Variants in KIF1A observed in about 807,000 individuals in gnomAD.
KIF1A encodes the protein kinesin-like protein KIF1A.
A neutral mutation model predicts 227.3 loss-of-function variants in KIF1A; 46 were observed. The observed-to-expected ratio is 0.20, with a 90% CI of 0.16 to 0.26. The LOEUF is 0.26. Ranked by LOEUF, KIF1A falls within the 10% of genes least tolerant of loss-of-function variation. The probability of loss-of-function intolerance (pLI) is 1.00; values close to 1 mark genes in which losing one functional copy is unlikely to be tolerated. For missense variants in KIF1A, 1,683 were observed against 2,485.9 expected (o/e 0.68, Z 6.87); for synonymous variants, 1,022 against 1,012.8 (o/e 1.01, Z -0.17).
At position 240,766,672 on chromosome 2, in the gene KIF1A, A is replaced by G. The variant is rs1053790902; in HGVS notation, c.1684+243T>C. Among the ~76,000 whole-genome samples the G allele has an allele frequency of 6.6e-6, 1 of 150,554 alleles. No homozygotes were observed. Among genetic ancestry groups the G allele is most frequent in the Admixed American group, 6.6e-5 (1 of 15,074 alleles). ...CAGGCATTTTCCCAAGCACCAACCT[A>G]ATGGAAGTTGTTTTTAAGGCTGGCC... On this transcript the variant is annotated intron_variant, in intron 19 of 48. Coordinates refer to ENST00000498729, the MANE Select transcript of KIF1A (RefSeq NM_001244008.2). The surrounding 1 kb of genome is among the most constrained non-coding windows in gnomAD (Gnocchi z 5.0).
intron 33 of KIF1A, among the ~76,000 whole-genome samples, 184 bp downstream of exon 33, chr2:240,743,758 A>G (rs1418586919): frequency 6.6e-6 from 1 of 152,220 alleles, no homozygotes; most frequent in Non-Finnish European, 1.5e-5. Flanking sequence ...AGCTGCAGGC[A>G]GGCCCAGAGC....
intron 27 of KIF1A, among the ~76,000 whole-genome samples, chr2:240,754,995 C>G (rs1293022203): frequency 6.6e-6 from 1 of 152,196 alleles, no homozygotes; most frequent in Non-Finnish European, 1.5e-5. Context: ...GGACCCTTAT[C>G]CCAGGCAGTC....
At position 240,741,279 on chromosome 2, in the gene KIF1A, C is replaced by T; in HGVS notation, c.3739G>A (p.Ala1247Thr). ...AGCACCAGCACTCACTCGCCGTTGG[C>T]CTCCAGCTCACAGATCTCGAAGTAG... is the stretch of plus-strand genomic sequence containing the variant. Reference protein sequence around the residue: ...LVYFEICELEANGDYIPAVVD... With the variant: ...LVYFEICELETNGDYIPAVVD... Residue 1247 changes from alanine (A) to threonine (T), a missense_variant, in exon 35 of 49, where the codon GCC (alanine) becomes ACC (threonine). By Grantham distance (58) the Ala-to-Thr change is moderately conservative. Coordinates refer to ENST00000498729, the MANE Select transcript of KIF1A (RefSeq NM_001244008.2). The T allele has an allele frequency of 6.3e-7, 1 of 1,593,134 alleles. No homozygotes were observed. The highest frequency in any genetic ancestry group is 8.5e-7 in the Non-Finnish European group (1 of 1,172,642).
intron 28 of KIF1A, among the ~76,000 whole-genome samples, chr2:240,749,777 G>A (rs891897836): frequency 3.3e-5 from 5 of 152,336 alleles, no homozygotes; most frequent in Middle Eastern, 3.4e-3. Context: ...CTGGCCATCC[G>A]GAGCAGGCTG....
chr2:240,721,112 G>A (rs1288938867), intron 44 of KIF1A, 74 bp from the exon 45 acceptor site: 3 of 1,568,552 alleles, frequency 1.9e-6, no homozygotes, highest in African/African-American at 1.3e-5. Context: ...TGCTCCCTGT[G>A]CCTGCGCTTA....
intron 38 of KIF1A, among the ~76,000 whole-genome samples, chr2:240,731,327 G>A (rs930693016): frequency 1.3e-5 from 2 of 152,204 alleles, no homozygotes; most frequent in Non-Finnish European, 2.9e-5. Flanking sequence ...GGCGCAGCTG[G>A]AGACAGCTGC....
At chr2:240,780,800 A>ACACACACACACACACACACACACAGCTC (rs2053602890) in intron 10 of KIF1A, among the ~76,000 whole-genome samples, 2 of 26,130 alleles carry the variant, frequency 7.7e-5, no homozygotes, top group Admixed American at 3.2e-4. Context: ...ACACAGCTCC[A>ACACACACACACACACACACACACAGCTC]CACACACACA....
chr2:240,758,629 TC>T lies in KIF1A; in HGVS notation c.2445-133del. 1 of 921,744 alleles carries T rather than the reference TC, an allele frequency of 1.1e-6. No homozygotes were observed. Among genetic ancestry groups the T allele is most frequent in the Non-Finnish European group, 1.5e-6 (1 of 666,546 alleles). 57.1% of individuals were successfully genotyped at this position (921,744 alleles called of 1,614,324 possible). A position where few individuals can be genotyped will look rare whatever the true frequency, so the allele number is the denominator to read the frequency against. ...CACATCCAGCTCAGGGTCATCAAGG[TC>T]CAGGGGGCTTGCTAGACAGACCCCC... On this transcript the variant is annotated intron_variant, in intron 25 of 48. Coordinates refer to ENST00000498729, the MANE Select transcript of KIF1A (RefSeq NM_001244008.2). This position sits in a 1 kb window ranked among gnomAD's most constrained non-coding sequence, Gnocchi z 5.2.
At chr2:240,721,769 C>T (rs1316768992) in intron 44 of KIF1A, 38 bp downstream of exon 44, 1 of 1,553,154 alleles carries the variant, frequency 6.4e-7, no homozygotes, top group South Asian at 1.1e-5. Context: ...GGAGCCCGAG[C>T]CCTGCGGGGC....
intron 34 of KIF1A, among the ~76,000 whole-genome samples, chr2:240,742,469 T>C (rs1390620327): frequency 6.6e-6 from 1 of 152,200 alleles, no homozygotes; most frequent in African/African-American, 2.4e-5. Context: ...TCTCAAGTGC[T>C]ATTCCATGAC....
At position 240,726,368 on chromosome 2, in the gene KIF1A, T is replaced by G. The variant is rs1443924318; in HGVS notation, c.4122+458A>C. Among the ~76,000 whole-genome samples the G allele has an allele frequency of 6.6e-6, 1 of 152,172 alleles. No homozygotes were observed. Among genetic ancestry groups the G allele is most frequent in the East Asian group, 1.9e-4 (1 of 5,190 alleles). ...GCTCACACCTGTAATCCCAGCACTT[T>G]GGGAGGCTGAGGTGGGTGGATCACC... On this transcript the variant is annotated intron_variant, in intron 39 of 48. Coordinates refer to ENST00000498729, the MANE Select transcript of KIF1A (RefSeq NM_001244008.2). This position sits in a 1 kb window ranked among gnomAD's most constrained non-coding sequence, Gnocchi z 5.2.
rs1317473677 is a variant in KIF1A at position 240,715,193 on chromosome 2, C to T, written c.*2171G>A. On this transcript the variant is annotated 3_prime_UTR_variant, in exon 49 of 49. Transcript: ENST00000498729. ...GCAGCGCTGGATGCCGGAGCAGGTGCTTCTGCAAGAAGCTGTTCTGCATCC... is the reference window on the plus strand; with the variant it reads ...GCAGCGCTGGATGCCGGAGCAGGTGTTTCTGCAAGAAGCTGTTCTGCATCC... The T allele has an allele frequency of 6.6e-6, 1 of 152,540 alleles. No homozygotes were observed. The highest frequency in any genetic ancestry group is 1.5e-5 in the Non-Finnish European group (1 of 68,150). The allele number at this position is 152,540 out of a possible 1,614,324, so 9.4% of individuals were successfully genotyped here.
At position 240,760,791 on chromosome 2, in the gene KIF1A, G is replaced by T; in HGVS notation, c.2318C>A (p.Pro773His). Residue 773 changes from proline to histidine, a missense_variant, in exon 25 of 49, where the codon CCC becomes CAC. By Grantham distance (77) the Pro-to-His change is moderately conservative. This residue lies in a region of KIF1A where 759 missense variants were observed against 1,020.2 expected (regional missense o/e 0.74). Transcript: ENST00000498729. Reference sequence around the variant, plus strand: ...GGCGGCCTCTGGGGGCAGCAGGTCGGGTGGCAGAGGGGAGTAGAGTGTGTC... The same window carrying T: ...GGCGGCCTCTGGGGGCAGCAGGTCGTGTGGCAGAGGGGAGTAGAGTGTGTC... ...LTDTLYSPLP[P>H]DLLPPEAAKD... 1 of 1,605,286 alleles carries T rather than the reference G, an allele frequency of 6.2e-7. No individual in the cohort carries two copies. The highest frequency in any genetic ancestry group is 8.5e-7 in the Non-Finnish European group (1 of 1,176,632).
intron 25 of KIF1A, 22 bp downstream of exon 25, chr2:240,760,643 C>A: frequency 6.9e-7 from 1 of 1,443,898 alleles, no homozygotes; most frequent in Non-Finnish European, 9.1e-7. Flanking sequence ...CCACCATCCA[C>A]CCAGCGGCCC....
At chr2:240,782,664 T>TG in intron 9 of KIF1A, 57 bp from the exon 10 acceptor site, 1 of 1,541,578 alleles carries the variant, frequency 6.5e-7, no homozygotes, top group Non-Finnish European at 8.8e-7. Context: ...GCGCGGGCTG[T>TG]GGGGGCGGAA....
At chr2:240,760,021 G>GA (rs397967291) in intron 25 of KIF1A, among the ~76,000 whole-genome samples, 8,060 of 135,178 alleles carry the variant, frequency 0.06, 221 homozygotes, top group African/African-American at 0.072. Context: ...GTCTCTTAAA[G>GA]AAAAAAAAAA....
At chr2:240,800,893 G>A (rs972988153) in intron 1 of KIF1A, among the ~76,000 whole-genome samples, 7 of 152,222 alleles carry the variant, frequency 4.6e-5, no homozygotes, top group South Asian at 2.1e-4. Flanking sequence ...GCCATAGCTC[G>A]GACGAACCTT....
rs1355199061 is a variant in KIF1A, at chr2:240,719,264, C to T, written c.5022-66G>A. The T allele has an allele frequency of 3.3e-6, 5 of 1,524,480 alleles. No individual in the cohort carries two copies. The Admixed American group carries it at 1.0e-4, about 31-fold the overall frequency. The allele number at this position is 1,524,480 out of a possible 1,614,324, so 94.4% of individuals were successfully genotyped here. On this transcript the variant is annotated intron_variant, in intron 46 of 48. Coordinates refer to ENST00000498729, the MANE Select transcript of KIF1A (RefSeq NM_001244008.2). ...GGCAGCGACTGACTCGGGCACTCACCATCTACCACCCAGAGCTGGGACGCA... is the reference window on the plus strand; with the variant it reads ...GGCAGCGACTGACTCGGGCACTCACTATCTACCACCCAGAGCTGGGACGCA...
At chr2:240,737,210 C>G in intron 37 of KIF1A, 42 bp from the exon 38 acceptor site, 2 of 1,541,354 alleles carry the variant, frequency 1.3e-6, no homozygotes, top group Non-Finnish European at 1.8e-6. Flanking sequence ...TCCCAGGGGG[C>G]AGGTGGGACC....
Sources: gnomAD v4.1 joint callset for allele counts (sites outside exome capture counted in the v4.1 genomes callset) on GRCh38, gnomAD v4.1.1 for gene constraint, gnomAD v4.1.1 regional missense constraint, Gnocchi (gnomAD v3.1) non-coding constraint, MANE v1.5 for transcripts, NCBI Gene and HGNC (gene_info 2026-07-23, HGNC 2026-07-21) for gene names.